Variants in CLIC2 observed in about 807,000 individuals in gnomAD.
The protein encoded by CLIC2 is chloride intracellular channel protein 2.
CLIC2 carries 9 observed loss-of-function variants against 14.8 expected under a neutral mutation model. That is an observed-to-expected ratio of 0.61 (90% CI 0.37 to 1.06). The LOEUF is 1.06. Among genes scored for constraint, CLIC2 ranks in the 50% least tolerant of loss-of-function variants. The pLI is 0.01. For missense variants in CLIC2, 148 were observed against 181.4 expected (o/e 0.82, Z 1.06); for synonymous variants, 61 against 66.3 (o/e 0.92, Z 0.39).
intron 3 of CLIC2, 90 bp downstream of exon 3, chrX:155,298,695 T>C (rs2075003657): frequency 9.4e-7 from 1 of 1,067,047 alleles, no homozygotes; most frequent in Non-Finnish European, 1.3e-6. Flanking sequence ...AATCCAAAAG[T>C]ACTTAAATTG....
intron 3 of CLIC2, among the ~76,000 whole-genome samples, chrX:155,288,370 TTAA>T (rs1343311437): frequency 1.8e-5 from 2 of 112,220 alleles, no homozygotes; most frequent in Admixed American, 9.5e-5. Flanking sequence ...AATCATAGGT[TTAA>T]TAATAATTAG....
chrX:155,333,960 C>A (rs1284666373), intron 1 of CLIC2, among the ~76,000 whole-genome samples: 1 of 110,538 alleles, frequency 9.0e-6, no homozygotes, highest in Non-Finnish European at 1.9e-5. Flanking sequence ...CCCAGTCAGG[C>A]CTTCCAAAAC....
chrX:155,332,234 G>A (rs2075159272), intron 1 of CLIC2, among the ~76,000 whole-genome samples: 1 of 111,733 alleles, frequency 8.9e-6, no homozygotes, highest in Non-Finnish European at 1.9e-5. Context: ...ATTGTGACAG[G>A]AGAATGCTTA....
In CLIC2 at chrX:155,293,456, T is replaced by C. The variant is rs2074981941; in HGVS notation, c.293+5329A>G. ...ATAAAGAAAATAAAGGACTCAAATA[T>C]TACCACTACACAAAACCACCAAACT... is the stretch of plus-strand genomic sequence containing the variant. On this transcript the variant is annotated intron_variant, in intron 3 of 5. Transcript: ENST00000369449. 3 of 575,898 alleles carry C rather than the reference T, an allele frequency of 5.2e-6. No individual in the cohort carries two copies. In the African/African-American group the frequency reaches 6.7e-5, roughly 13 times the overall value. The allele number at this position is 575,898 out of a possible 1,213,427, so 47.5% of individuals were successfully genotyped here.
chrX:155,289,989 A>G (rs2074957660), intron 3 of CLIC2, among the ~76,000 whole-genome samples: 1 of 112,012 alleles, frequency 8.9e-6, no homozygotes, highest in Admixed American at 9.5e-5. Flanking sequence ...TTAAGTGATA[A>G]GAATATTTTA....
intron 1 of CLIC2, among the ~76,000 whole-genome samples, chrX:155,308,843 A>C (rs1222152282): frequency 9.0e-6 from 1 of 111,602 alleles, no homozygotes; most frequent in Non-Finnish European, 1.9e-5. Flanking sequence ...AGAAATAAAA[A>C]TCTTCCCAGA....
At chrX:155,313,790 G>A (rs1401950316) in intron 1 of CLIC2, among the ~76,000 whole-genome samples, 3 of 111,952 alleles carry the variant, frequency 2.7e-5, no homozygotes, top group South Asian at 3.8e-4. Context: ...TCTGGGGCAA[G>A]TTCTCAGCCT....
chrX:155,321,367 C>G (rs2075113931), intron 1 of CLIC2, among the ~76,000 whole-genome samples: 1 of 112,089 alleles, frequency 8.9e-6, no homozygotes, highest in African/African-American at 3.2e-5. Context: ...GCAGATCTCT[C>G]TGCAGAAAGC....
At chrX:155,293,737 A>G (rs2074983103) in intron 3 of CLIC2, among the ~76,000 whole-genome samples, 1 of 111,950 alleles carries the variant, frequency 8.9e-6, no homozygotes, top group South Asian at 3.7e-4. Flanking sequence ...CACAAACGGA[A>G]ACCAAAAGTG....
intron 3 of CLIC2, among the ~76,000 whole-genome samples, chrX:155,297,417 T>C (rs187120104): frequency 5.3e-3 from 591 of 110,666 alleles, no homozygotes; most frequent in South Asian, 0.013. Context: ...AGGGTGACTA[T>C]AGTTACAAAA....
Position 155,279,276 on chromosome X carries a change from GTGTT to G in CLIC2, c.451_454del (p.Asn151ProfsTer28), listed in dbSNP as rs782372706. ...TGGATCAATTTCATCCAGAAGTGGG[GTGTT>G]TAAGTAGTCATCCAGACGCTTGAAT... is the stretch of plus-strand genomic sequence containing the variant. On this transcript the variant is annotated frameshift_variant, in exon 5 of 6. Transcript: ENST00000369449. LOFTEE classifies it high-confidence loss of function. 8.3e-7 allele frequency: 1 copy of G among 1,208,152 alleles called. No individual in the cohort carries two copies. Among genetic ancestry groups the G allele is most frequent in the African/African-American group, 1.7e-5 (1 of 57,221 alleles).
chrX:155,295,722 A>C (rs193213821), intron 3 of CLIC2, among the ~76,000 whole-genome samples: 37 of 111,680 alleles, frequency 3.3e-4, no homozygotes, highest in Non-Finnish European at 4.5e-4. Context: ...TCTATACACC[A>C]ATAATGATCT....
At chrX:155,281,576 C>G (rs1214197830) in intron 3 of CLIC2, among the ~76,000 whole-genome samples, 1 of 110,538 alleles carries the variant, frequency 9.0e-6, no homozygotes, top group Non-Finnish European at 1.9e-5. Flanking sequence ...TCCTTGATTC[C>G]TCTCTTTCCT....
intron 1 of CLIC2, among the ~76,000 whole-genome samples, chrX:155,319,879 G>T (rs1557321447): frequency 8.9e-6 from 1 of 111,978 alleles, no homozygotes; most frequent in Non-Finnish European, 1.9e-5. Context: ...TAGGGGAAGG[G>T]GTGTCCACCA....
intron 1 of CLIC2, among the ~76,000 whole-genome samples, chrX:155,300,379 T>A (rs1356337497): frequency 9.0e-6 from 1 of 111,173 alleles, no homozygotes; most frequent in Non-Finnish European, 1.9e-5. Context: ...TGTCTTCTTT[T>A]GAGAAGTGTC....
At chrX:155,291,260 C>CCAAT in intron 3 of CLIC2, 1 of 931,580 alleles carries the variant, frequency 1.1e-6, no homozygotes, top group Non-Finnish European at 1.6e-6. Context: ...TATATATGAT[C>CCAAT]CAATCATAAG....
chrX:155,287,907 G>A (rs1557317236), intron 3 of CLIC2, among the ~76,000 whole-genome samples: 18 of 111,544 alleles, frequency 1.6e-4, no homozygotes, highest in Non-Finnish European at 3.8e-5. Flanking sequence ...ATTTGTTTGT[G>A]TCTTCTCTTA....
chrX:155,306,974 T>C (rs1273391072), intron 1 of CLIC2, among the ~76,000 whole-genome samples: 1 of 111,783 alleles, frequency 8.9e-6, no homozygotes, highest in African/African-American at 3.3e-5. Flanking sequence ...AAACACTTTT[T>C]CTGCTTTGAA....
At chrX:155,323,476 C>T in intron 1 of CLIC2, among the ~76,000 whole-genome samples, 1 of 111,932 alleles carries the variant, frequency 8.9e-6, no homozygotes, top group Non-Finnish European at 1.9e-5. Context: ...CGATAAAATT[C>T]AATATACCTT....
Sources: gnomAD v4.1 joint callset for allele counts (sites outside exome capture counted in the v4.1 genomes callset) on GRCh38, gnomAD v4.1.1 for gene constraint, MANE v1.5 for transcripts, NCBI Gene and HGNC (gene_info 2026-07-23, HGNC 2026-07-21) for gene names.